The following CSMD1 variants were observed in gnomAD, a reference collection of about 807,000 sequenced individuals.
The protein encoded by CSMD1 is CUB and sushi domain-containing protein 1.
Under a neutral mutation model 417.5 loss-of-function variants are expected in CSMD1, and 213 were observed. That is an observed-to-expected ratio of 0.51 (90% CI 0.46 to 0.57). The LOEUF is 0.57. Among genes scored for constraint, CSMD1 ranks in the 20% least tolerant of loss-of-function variants. The probability of loss-of-function intolerance (pLI) is 0.00; values close to 1 mark genes in which losing one functional copy is unlikely to be tolerated. For missense variants in CSMD1, 6,923 were observed against 4,529.7 expected, an observed-to-expected ratio of 1.53 and a Z score of -15.17; for synonymous variants, 2,862 against 1,736.8, an observed-to-expected ratio of 1.65 and a Z score of -16.11.
intron 5 of CSMD1, among the ~76,000 whole-genome samples, chr8:3,920,227 G>T (rs370238107): frequency 6.6e-6 from 1 of 151,896 alleles, no homozygotes; most frequent in Non-Finnish European, 1.5e-5. Context: ...TAAAGACAGG[G>T]TCTCACCATG....
At chr8:3,065,353 G>C (rs1812870188) in intron 49 of CSMD1, among the ~76,000 whole-genome samples, 1 of 151,934 alleles carries the variant, frequency 6.6e-6, no homozygotes, top group Non-Finnish European at 1.5e-5. Flanking sequence ...TAGATACATA[G>C]ATAAGTGGAT....
intron 3 of CSMD1, among the ~76,000 whole-genome samples, chr8:4,191,179 G>A (rs1341515344): frequency 6.6e-6 from 1 of 152,106 alleles, no homozygotes; most frequent in Non-Finnish European, 1.5e-5. Context: ...GGTGGATCAC[G>A]ACGTCAGGAG....
At chr8:3,150,751 C>A (rs71521808) in intron 40 of CSMD1, among the ~76,000 whole-genome samples, 2,348 of 152,014 alleles carry the variant, frequency 0.015, 37 homozygotes, top group Middle Eastern at 0.024. Context: ...ACGAAGGAAA[C>A]CAGGAGGCAG....
At chr8:3,289,383 A>G (rs1319059164) in intron 25 of CSMD1, among the ~76,000 whole-genome samples, 5 of 147,292 alleles carry the variant, frequency 3.4e-5, no homozygotes, top group Non-Finnish European at 4.4e-5. Flanking sequence ...CTAGTTCTAG[A>G]TCCCTGAGGA....
intron 10 of CSMD1, among the ~76,000 whole-genome samples, chr8:3,529,211 G>A (rs940253612): frequency 6.6e-6 from 1 of 152,194 alleles, no homozygotes; most frequent in African/African-American, 2.4e-5. Context: ...AAAGTCAAGA[G>A]TTGTGTTATT....
Position 4,703,956 on chromosome 8 carries a change from C to G in CSMD1, c.86-66398G>C, listed in dbSNP as rs544795231. Among the ~76,000 whole-genome samples, 25 of 152,272 alleles carry G rather than the reference C, an allele frequency of 1.6e-4. No homozygotes were observed. The South Asian group carries it at 5.2e-3, about 32-fold the overall frequency. On this transcript the variant is annotated intron_variant, in intron 1 of 69. Transcript: ENST00000635120. ...CTCACAAGTAGCACACAACCTAGAT[C>G]CCTCACACATGCAGTTCACAGTAGG...
chr8:3,115,112 T>C (rs1016322124), intron 42 of CSMD1, among the ~76,000 whole-genome samples: 4 of 152,004 alleles, frequency 2.6e-5, no homozygotes, highest in African/African-American at 9.7e-5. Flanking sequence ...TATTTGTAAG[T>C]GTGAATGCAT....
chr8:4,692,046 T>C (rs892334645), intron 1 of CSMD1, among the ~76,000 whole-genome samples: 1 of 152,148 alleles, frequency 6.6e-6, no homozygotes, highest in African/African-American at 2.4e-5. Flanking sequence ...TGAATTATGA[T>C]AATGCGGGGC....
intron 10 of CSMD1, among the ~76,000 whole-genome samples, chr8:3,531,330 A>C (rs1797971582): frequency 2.6e-5 from 4 of 152,162 alleles, no homozygotes; most frequent in Admixed American, 2.0e-4. Context: ...TTTAACTAAA[A>C]TCTTTTTTAG....
At chr8:3,924,728 C>T (rs371634738) in intron 5 of CSMD1, among the ~76,000 whole-genome samples, 70 of 151,770 alleles carry the variant, frequency 4.6e-4, no homozygotes, top group African/African-American at 1.6e-3. Context: ...TAATGTTCAC[C>T]TCTTTGTTGA....
intron 1 of CSMD1, among the ~76,000 whole-genome samples, chr8:4,853,074 T>C (rs1801579254): frequency 6.6e-6 from 1 of 152,092 alleles, no homozygotes; most frequent in African/African-American, 2.4e-5. Context: ...ATTTGGAAAA[T>C]TTGCAGCCTA....
At chr8:3,255,656 A>G (rs1410171253) in intron 26 of CSMD1, among the ~76,000 whole-genome samples, 1 of 152,112 alleles carries the variant, frequency 6.6e-6, no homozygotes, top group Non-Finnish European at 1.5e-5. Flanking sequence ...TGGGCGTAGG[A>G]CCCTCTGAGC....
chr8:4,442,285 T>A (rs1798529569), intron 2 of CSMD1, among the ~76,000 whole-genome samples: 1 of 152,076 alleles, frequency 6.6e-6, no homozygotes, highest in Non-Finnish European at 1.5e-5. Flanking sequence ...AGTAAAAAAA[T>A]TATTAAAAGT....
At chr8:3,927,871 C>G (rs1025578701) in intron 5 of CSMD1, among the ~76,000 whole-genome samples, 3 of 152,050 alleles carry the variant, frequency 2.0e-5, no homozygotes, top group African/African-American at 7.2e-5. Flanking sequence ...GTTTCATAAA[C>G]ATTCTTAATA....
At chr8:3,182,274 T>A (rs568429253) in intron 36 of CSMD1, among the ~76,000 whole-genome samples, 65 of 152,234 alleles carry the variant, frequency 4.3e-4, no homozygotes, top group African/African-American at 1.3e-3. Flanking sequence ...TTAGATGGAG[T>A]CTCGCTCTGT....
At chr8:4,279,971 G>T (rs548729258) in intron 3 of CSMD1, among the ~76,000 whole-genome samples, 3 of 152,172 alleles carry the variant, frequency 2.0e-5, no homozygotes, top group African/African-American at 7.2e-5. Context: ...AACATCAAAG[G>T]ATACTGGTGT....
At chr8:4,591,097 T>C (rs1013661038) in intron 2 of CSMD1, among the ~76,000 whole-genome samples, 14 of 152,198 alleles carry the variant, frequency 9.2e-5, no homozygotes, top group Non-Finnish European at 4.4e-5. Flanking sequence ...TTCTCTAAGG[T>C]TGTAAGCTAT....
chr8:3,243,553 G>C (rs1440546147), intron 26 of CSMD1, among the ~76,000 whole-genome samples: 1 of 151,966 alleles, frequency 6.6e-6, no homozygotes, highest in Non-Finnish European at 1.5e-5. Context: ...CCAGGAGAAG[G>C]AATTGCACAA....
At chr8:4,796,278 G>A (rs1336867969) in intron 1 of CSMD1, among the ~76,000 whole-genome samples, 1 of 152,046 alleles carries the variant, frequency 6.6e-6, no homozygotes, top group Non-Finnish European at 1.5e-5. Context: ...GAGCTGGCCA[G>A]AGGATTTGGC....
Sources: allele counts gnomAD v4.1 joint callset (sites outside exome capture counted in the v4.1 genomes callset), GRCh38; gene constraint gnomAD v4.1.1; transcripts MANE v1.5; gene names NCBI Gene and HGNC (gene_info 2026-07-23, HGNC 2026-07-21).